Variants in ATF7 observed in about 807,000 individuals in gnomAD.
ATF7 encodes cyclic AMP-dependent transcription factor ATF-7.
In ATF7, 10 loss-of-function variants were observed where a neutral mutation model predicts 50.4. That is an observed-to-expected ratio of 0.20 (90% CI 0.12 to 0.34). ATF7 has a LOEUF of 0.34. Among genes scored for constraint, ATF7 ranks in the 10% least tolerant of loss-of-function variants. The pLI, the probability that ATF7 is intolerant of heterozygous loss-of-function variation, is 1.00. For missense variants in ATF7, 465 were observed against 613.9 expected (o/e 0.76, Z 2.56); for synonymous variants, 201 against 226.4 (o/e 0.89, Z 1.01).
At chr12:53,571,290 A>C (rs1031257115) in intron 2 of ATF7, among the ~76,000 whole-genome samples, 2 of 152,180 alleles carry the variant, frequency 1.3e-5, no homozygotes, top group African/African-American at 4.8e-5. Flanking sequence ...TTGGTCTCCC[A>C]AACTGTGAGA....
chr12:53,609,708 G>C (rs1295950005), intron 1 of ATF7, among the ~76,000 whole-genome samples: 2 of 150,456 alleles, frequency 1.3e-5, no homozygotes, highest in Non-Finnish European at 2.9e-5. Context: ...CATAATAATA[G>C]TTTAGCATAT....
At chr12:53,589,953 G>C (rs1008558306) in intron 2 of ATF7, among the ~76,000 whole-genome samples, 8 of 151,988 alleles carry the variant, frequency 5.3e-5, no homozygotes, top group African/African-American at 1.9e-4. Flanking sequence ...TTTTTTGGTA[G>C]AGTCAGGGTC....
intron 1 of ATF7, among the ~76,000 whole-genome samples, chr12:53,622,608 G>C (rs370285708): frequency 6.7e-5 from 10 of 149,654 alleles, no homozygotes; most frequent in Non-Finnish European, 1.3e-4. Flanking sequence ...GCAAAAGCGC[G>C]AGACTCTGCA....
At chr12:53,596,592 A>G (rs1943168751) in intron 2 of ATF7, among the ~76,000 whole-genome samples, 1 of 152,224 alleles carries the variant, frequency 6.6e-6, no homozygotes, top group Admixed American at 6.5e-5. Context: ...TGTTGATCCC[A>G]GTAATAAAAA....
At chr12:53,528,943 T>C (rs1281162094) in intron 9 of ATF7, among the ~76,000 whole-genome samples, 1 of 150,186 alleles carries the variant, frequency 6.7e-6, no homozygotes, top group African/African-American at 2.5e-5. Flanking sequence ...CAGTGTTGAT[T>C]AAAAAGGAAG....
At chr12:53,589,429 C>A (rs1352554546) in intron 2 of ATF7, among the ~76,000 whole-genome samples, 1 of 152,202 alleles carries the variant, frequency 6.6e-6, no homozygotes, top group Non-Finnish European at 1.5e-5. Flanking sequence ...TATTCTCTCC[C>A]TTCCCTGTAT....
At chr12:53,575,509 G>C (rs1255574181) in intron 2 of ATF7, 1 of 150,964 alleles carries the variant, frequency 6.6e-6, no homozygotes, top group Non-Finnish European at 1.5e-5. Flanking sequence ...CTGTGAGGTG[G>C]AGGTTGCAGT....
At chr12:53,587,838 T>TAGAA (rs1942771304) in intron 2 of ATF7, among the ~76,000 whole-genome samples, 1 of 50,198 alleles carries the variant, frequency 2.0e-5, no homozygotes, top group African/African-American at 5.3e-5. Context: ...TATATATATA[T>TAGAA]ATATATTTTT....
At chr12:53,528,388 G>C (rs1460587658) in intron 9 of ATF7, among the ~76,000 whole-genome samples, 1 of 152,168 alleles carries the variant, frequency 6.6e-6, no homozygotes, top group Non-Finnish European at 1.5e-5. Flanking sequence ...AGCACTTTGG[G>C]AGGCCAAGGC....
At chr12:53,617,041 G>A (rs2137918360) in intron 1 of ATF7, among the ~76,000 whole-genome samples, 1 of 151,726 alleles carries the variant, frequency 6.6e-6, no homozygotes, top group Non-Finnish European at 1.5e-5. Flanking sequence ...TTCTTTCTTT[G>A]AGACAGGGTA....
chr12:53,531,282 C>G (rs1319547616), intron 9 of ATF7, among the ~76,000 whole-genome samples: 1 of 151,896 alleles, frequency 6.6e-6, no homozygotes, highest in Non-Finnish European at 1.5e-5. Context: ...ATTAGCTGGC[C>G]ATGGTGGTGG....
intron 2 of ATF7, among the ~76,000 whole-genome samples, chr12:53,559,650 G>A (rs1265213360): frequency 2.2e-5 from 3 of 138,076 alleles, no homozygotes; most frequent in African/African-American, 8.2e-5. Flanking sequence ...CTGCACTCCA[G>A]CCTGGGTGAC....
intron 5 of ATF7, among the ~76,000 whole-genome samples, chr12:53,535,309 A>T (rs1253552011): frequency 1.6e-4 from 23 of 143,626 alleles, no homozygotes; most frequent in African/African-American, 6.4e-4. Context: ...CAGCCTGGCG[A>T]CAGAGCGAGA....
At chr12:53,520,450 C>T (rs959091316) in intron 11 of ATF7, among the ~76,000 whole-genome samples, 14 of 152,084 alleles carry the variant, frequency 9.2e-5, no homozygotes, top group South Asian at 2.1e-4. Flanking sequence ...TGGTGGTGCA[C>T]GCCTGTGGTC....
At chr12:53,624,930 G>A (rs1944545026) in intron 1 of ATF7, among the ~76,000 whole-genome samples, 1 of 152,148 alleles carries the variant, frequency 6.6e-6, no homozygotes. Context: ...TGCTTAGAAT[G>A]CCCATAAAGA....
At chr12:53,621,320 C>T (rs1944369480) in intron 1 of ATF7, among the ~76,000 whole-genome samples, 1 of 152,132 alleles carries the variant, frequency 6.6e-6, no homozygotes, top group Admixed American at 6.6e-5. Context: ...TACCCTTATA[C>T]ATGTTTACCA....
chr12:53,536,749 G>A (rs1267526603), intron 5 of ATF7, among the ~76,000 whole-genome samples: 13 of 152,006 alleles, frequency 8.6e-5, no homozygotes, highest in Admixed American at 7.2e-4. Flanking sequence ...TTAGCCGGGC[G>A]TGGTGGCACG....
Position 53,576,014 on chromosome 12 carries a change from G to A in ATF7, c.49-23377C>T, listed in dbSNP as rs1312192002. On this transcript the variant is annotated intron_variant, in intron 2 of 11. Coordinates refer to ENST00000420353, the MANE Select transcript of ATF7 (RefSeq NM_006856.3). ...TGATAAACACTGGAAGGCACACTCA[G>A]GGGAGAAGGCTTTGTTGTGCAGGGA... 26 of 155,900 alleles carry A rather than the reference G, an allele frequency of 1.7e-4. No homozygotes were observed. The Admixed American group carries it at 1.7e-3, about 10-fold the overall frequency. 9.7% of individuals were successfully genotyped at this position (155,900 alleles called of 1,614,324 possible).
At chr12:53,622,904 T>C (rs1248009171) in intron 1 of ATF7, among the ~76,000 whole-genome samples, 1 of 152,172 alleles carries the variant, frequency 6.6e-6, no homozygotes, top group Non-Finnish European at 1.5e-5. Context: ...GAGTCCTAGT[T>C]ACTCAGGAAG....
Sources: gnomAD v4.1 joint callset for allele counts (sites outside exome capture counted in the v4.1 genomes callset) on GRCh38, gnomAD v4.1.1 for gene constraint, MANE v1.5 for transcripts, NCBI Gene and HGNC (gene_info 2026-07-23, HGNC 2026-07-21) for gene names.